The following MUC13 variants were observed in gnomAD, a reference collection of about 807,000 sequenced individuals.
The protein encoded by MUC13 is mucin 13, cell surface associated.
MUC13 carries 32 observed loss-of-function variants against 48.3 expected under a neutral mutation model. The ratio of observed to expected loss-of-function variants is 0.66; its 90% CI spans 0.50 to 0.89. The LOEUF is 0.89. Among genes scored for constraint, MUC13 ranks in the 40% least tolerant of loss-of-function variants. MUC13 has a pLI of 0.00. For missense variants in MUC13, 571 were observed against 622.8 expected, an observed-to-expected ratio of 0.92 and a Z score of 0.88; for synonymous variants, 199 against 224.9, an observed-to-expected ratio of 0.88 and a Z score of 1.03.
Position 124,908,291 on chromosome 3 carries a change from T to C in MUC13, c.1395A>G (p.Gln465=), listed in dbSNP as rs1254846699. 2 of 1,614,230 alleles carry C rather than the reference T, an allele frequency of 1.2e-6. No homozygotes were observed. Among genetic ancestry groups the C allele is most frequent in the Admixed American group, 3.3e-5 (2 of 60,028 alleles). The part of the protein sequence containing the change: ...EEENLIDEDF[Q]NLKLRSTGFT... ...AGCCTGTCGACCGCAGTTTTAGATT[T>C]TGAAAGTCTTCGTCAATCAAGTTCT... The change falls in exon 11 of 12, where the codon CAA becomes CAG. Residue 465 remains glutamine, a synonymous_variant. Transcript: ENST00000616727.
chr3:124,916,440 T>G lies in MUC13; in HGVS notation c.841A>C (p.Lys281Gln). The change falls in exon 6 of 12, where the codon AAG becomes CAG. Residue 281 changes from lysine (K) to glutamine (Q), a missense_variant. Coordinates refer to ENST00000616727, the MANE Select transcript of MUC13 (RefSeq NM_033049.4). ...SPRSEMRADD[K>Q]FVNVTIVTIL... ...GTTACTATTGTTACATTAACAAACT[T>G]GTCATCAGCACGCATTTCAGATCTT... 1 of 1,613,658 alleles carries G rather than the reference T, an allele frequency of 6.2e-7. No homozygotes were observed. Among genetic ancestry groups the G allele is most frequent in the Non-Finnish European group, 8.5e-7 (1 of 1,179,832 alleles).
intron 9 of MUC13, among the ~76,000 whole-genome samples, chr3:124,911,449 A>G (rs1415716413): frequency 6.6e-6 from 1 of 152,256 alleles, no homozygotes; most frequent in Non-Finnish European, 1.5e-5. Context: ...TCCTTGCAAT[A>G]AAATACAGTA....
At chr3:124,917,286 C>T (rs1289135063) in intron 5 of MUC13, among the ~76,000 whole-genome samples, 1 of 151,970 alleles carries the variant, frequency 6.6e-6, no homozygotes, top group Non-Finnish European at 1.5e-5. Context: ...ATTTGTCGCT[C>T]TGTGCTTTTA....
At chr3:124,914,341 C>T (rs1358591162) in intron 6 of MUC13, among the ~76,000 whole-genome samples, 2 of 151,000 alleles carry the variant, frequency 1.3e-5, no homozygotes, top group Non-Finnish European at 2.9e-5. Context: ...ACCTAGGAGG[C>T]GGAGGTTGCA....
chr3:124,915,575 A>G (rs926294602), intron 6 of MUC13, among the ~76,000 whole-genome samples: 1 of 152,282 alleles, frequency 6.6e-6, no homozygotes, highest in African/African-American at 2.4e-5. Flanking sequence ...ATTCAGACCC[A>G]TAGAATTCTA....
At chr3:124,908,029 A>T in intron 11 of MUC13, 118 bp downstream of exon 11, 3 of 938,210 alleles carry the variant, frequency 3.2e-6, no homozygotes, top group Non-Finnish European at 4.7e-6. Flanking sequence ...TCTTTCAATT[A>T]AGAAAAAGAA....
chr3:124,921,911 T>A (rs1370564394), intron 4 of MUC13, among the ~76,000 whole-genome samples: 2 of 152,254 alleles, frequency 1.3e-5, no homozygotes, highest in African/African-American at 4.8e-5. Flanking sequence ...TGGAGCCAGC[T>A]TCTGCAGGCC....
intron 1 of MUC13, among the ~76,000 whole-genome samples, chr3:124,932,794 G>C (rs1935819752): frequency 6.6e-6 from 1 of 151,992 alleles, no homozygotes; most frequent in Non-Finnish European, 1.5e-5. Context: ...GTGGTGGCAT[G>C]CCATCTGAAT....
intron 2 of MUC13, among the ~76,000 whole-genome samples, chr3:124,926,838 C>T (rs1256128949): frequency 2.0e-5 from 3 of 152,228 alleles, no homozygotes; most frequent in Non-Finnish European, 2.9e-5. Flanking sequence ...CCACATGGCC[C>T]ACAAGGCCAT....
In MUC13 at chr3:124,908,253, C is replaced by G. The variant is rs761548354; in HGVS notation, c.1433G>C (p.Gly478Ala). ...CTTAGGAAAGACGCTCCCTTCTGCT[C>G]CAAGATTGGTGAAGCCTGTCGACCG... The part of the protein sequence containing the change: ...KLRSTGFTNL[G>A]AEGSVFPKVR... The change falls in exon 11 of 12, where the codon GGA (glycine) becomes GCA (alanine). Residue 478 changes from glycine (G) to alanine (A), a missense_variant. Coordinates refer to ENST00000616727, the MANE Select transcript of MUC13 (RefSeq NM_033049.4). 2.5e-6 allele frequency: 4 copies of G among 1,614,170 alleles called. No homozygotes were observed. The highest frequency in any genetic ancestry group is 1.3e-5 in the African/African-American group (1 of 75,042).
At chr3:124,919,732 C>T (rs1935562325) in intron 5 of MUC13, among the ~76,000 whole-genome samples, 1 of 152,150 alleles carries the variant, frequency 6.6e-6, no homozygotes, top group Admixed American at 6.5e-5. Context: ...CTTGCCATTA[C>T]ATATTGAAGT....
At chr3:124,910,882 G>A (rs763372494) in intron 9 of MUC13, among the ~76,000 whole-genome samples, 6 of 152,212 alleles carry the variant, frequency 3.9e-5, no homozygotes, top group Non-Finnish European at 7.3e-5. Context: ...CTAGGTTGGA[G>A]TTAAATGTCA....
chr3:124,927,597 T>C lies in MUC13; in HGVS notation c.449A>G (p.Asp150Gly). 1 of 1,614,232 alleles carries C rather than the reference T, an allele frequency of 6.2e-7. No individual in the cohort carries two copies. The highest frequency in any genetic ancestry group is 8.5e-7 in the Non-Finnish European group (1 of 1,180,044). The change falls in exon 2 of 12, where the codon GAC becomes GGC. Residue 150 changes from aspartate to glycine, a missense_variant. Coordinates refer to ENST00000616727, the MANE Select transcript of MUC13 (RefSeq NM_033049.4). Reference sequence around the variant, plus strand: ...AGTGGGAGGCCCTGATGATTGATTGTCTTCTGTGGTGGGGGACATTTCATT... The same window carrying C: ...AGTGGGAGGCCCTGATGATTGATTGCCTTCTGTGGTGGGGGACATTTCATT... ...SNNEMSPTTEDNQSSGPPTGT... is the reference protein window; with the variant it reads ...SNNEMSPTTEGNQSSGPPTGT...
At chr3:124,928,079 ATTCTT>A in intron 1 of MUC13, 86 bp from the exon 2 acceptor site, 1 of 884,166 alleles carries the variant, frequency 1.1e-6, no homozygotes, top group Non-Finnish European at 1.6e-6. Context: ...TATCCAACTC[ATTCTT>A]TTTTTTTTTT....
chr3:124,912,657 G>C (rs1935442128), intron 8 of MUC13, among the ~76,000 whole-genome samples: 1 of 152,226 alleles, frequency 6.6e-6, no homozygotes, highest in African/African-American at 2.4e-5. Flanking sequence ...TATTGATGAT[G>C]CTGGGCATGG....
chr3:124,921,896 A>G (rs557928489), intron 4 of MUC13, among the ~76,000 whole-genome samples: 5 of 152,370 alleles, frequency 3.3e-5, no homozygotes, highest in African/African-American at 1.2e-4. Context: ...TGGGTATGGT[A>G]TGGCTGGAGC....
In MUC13 at chr3:124,916,377, C is replaced by A; in HGVS notation, c.904G>T (p.Val302Leu). 2 of 1,613,674 alleles carry A rather than the reference C, an allele frequency of 1.2e-6. No individual in the cohort carries two copies. Among genetic ancestry groups the A allele is most frequent in the Non-Finnish European group, 1.7e-6 (2 of 1,179,870 alleles). Residue 302 changes from valine to leucine, a missense_variant, in exon 6 of 12, where the codon GTG becomes TTG. Coordinates refer to ENST00000616727, the MANE Select transcript of MUC13 (RefSeq NM_033049.4). ...ATTGCTTTATTAATTTTCTCAGTCA[C>A]AGTCTTCTCATTGTCACTTGTGGTT... ...AETTSDNEKTVTEKINKAIRS... is the reference protein window; with the variant it reads ...AETTSDNEKTLTEKINKAIRS...
chr3:124,917,352 A>T (rs1324302018), intron 5 of MUC13, among the ~76,000 whole-genome samples: 6 of 144,822 alleles, frequency 4.1e-5, no homozygotes, highest in East Asian at 2.0e-4. Flanking sequence ...CCTTTTTGAC[A>T]TTTTTTTTTT....
chr3:124,922,608 T>TC (rs1393908980), intron 3 of MUC13, among the ~76,000 whole-genome samples: 1 of 148,056 alleles, frequency 6.8e-6, no homozygotes, highest in Non-Finnish European at 1.5e-5. Flanking sequence ...TTTTTTTTTT[T>TC]TTTTGAGAGA....
Sources: gnomAD v4.1 joint callset for allele counts (sites outside exome capture counted in the v4.1 genomes callset) on GRCh38, gnomAD v4.1.1 for gene constraint, MANE v1.5 for transcripts, NCBI Gene and HGNC (gene_info 2026-07-23, HGNC 2026-07-21) for gene names.